The following NKAIN2 variants were observed in gnomAD, a reference collection of about 807,000 sequenced individuals.
NKAIN2 encodes sodium/potassium-transporting ATPase subunit beta-1-interacting protein 2.
A neutral mutation model predicts 32.6 loss-of-function variants in NKAIN2; 14 were observed. The observed-to-expected ratio is 0.43, with a 90% CI of 0.28 to 0.67. NKAIN2 has a LOEUF of 0.67. NKAIN2 is among the 30% of genes least tolerant of loss of function. The pLI is 0.17. For missense variants in NKAIN2, 198 were observed against 258.3 expected, an observed-to-expected ratio of 0.77 and a Z score of 1.60; for synonymous variants, 80 against 87.2, an observed-to-expected ratio of 0.92 and a Z score of 0.46.
chr6:124,424,083 T>C (rs1208433652), intron 3 of NKAIN2, among the ~76,000 whole-genome samples: 1 of 152,112 alleles, frequency 6.6e-6, no homozygotes, highest in Non-Finnish European at 1.5e-5. Context: ...AAGCTCTGCC[T>C]CCCGGGTTCA....
At chr6:124,217,572 T>C (rs1791547136) in intron 1 of NKAIN2, among the ~76,000 whole-genome samples, 1 of 152,148 alleles carries the variant, frequency 6.6e-6, no homozygotes, top group East Asian at 1.9e-4. Context: ...ATTTTTGTTT[T>C]GTTGATTTGT....
chr6:124,630,880 G>A (rs1477648956), intron 3 of NKAIN2, among the ~76,000 whole-genome samples: 3 of 152,158 alleles, frequency 2.0e-5, no homozygotes, highest in Non-Finnish European at 4.4e-5. Context: ...AGTCAGACAT[G>A]TCAAGTTTGA....
intron 1 of NKAIN2, among the ~76,000 whole-genome samples, chr6:124,068,702 T>C (rs1783302603): frequency 6.6e-6 from 1 of 151,974 alleles, no homozygotes; most frequent in Admixed American, 6.6e-5. Flanking sequence ...AAGAAAAATG[T>C]TCTACTGCCC....
chr6:123,816,312 T>G (rs957868133), intron 1 of NKAIN2, among the ~76,000 whole-genome samples: 1 of 152,120 alleles, frequency 6.6e-6, no homozygotes, highest in African/African-American at 2.4e-5. Context: ...TATAGGTCTA[T>G]AGGTCTCTGT....
In NKAIN2 at chr6:124,073,757, A is replaced by G. The variant is rs186843871; in HGVS notation, c.55-209248A>G. 1.0e-3 allele frequency among the ~76,000 whole-genome samples: 157 copies of G among 152,264 alleles called. 1 individual carries two copies. Among genetic ancestry groups the G allele is most frequent in the African/African-American group, 3.5e-3 (146 of 41,576 alleles). ...GGAGCCCTGACACTCTGTGAAGCAT[A>G]TAACATACGATTAAATAACCCTCTA... On this transcript the variant is annotated intron_variant, in intron 1 of 6. Transcript: ENST00000368417.
intron 4 of NKAIN2, among the ~76,000 whole-genome samples, chr6:124,696,997 T>G (rs1412466555): frequency 6.6e-6 from 1 of 152,152 alleles, no homozygotes; most frequent in African/African-American, 2.4e-5. Flanking sequence ...ATTGACTCCC[T>G]GCATGACCTT....
chr6:124,383,631 A>C (rs1772750399), intron 3 of NKAIN2, among the ~76,000 whole-genome samples: 1 of 152,116 alleles, frequency 6.6e-6, no homozygotes, highest in South Asian at 2.1e-4. Context: ...GATAAACTCC[A>C]TTTACACACA....
chr6:124,328,041 T>C (rs1797493275), intron 2 of NKAIN2, among the ~76,000 whole-genome samples: 1 of 152,156 alleles, frequency 6.6e-6, no homozygotes, highest in African/African-American at 2.4e-5. Flanking sequence ...GGAAACTTTA[T>C]AGTTGTAAGT....
chr6:124,723,340 A>C (rs965388491), intron 4 of NKAIN2, among the ~76,000 whole-genome samples: 9 of 152,238 alleles, frequency 5.9e-5, no homozygotes, highest in Non-Finnish European at 1.3e-4. Context: ...AATTGATGGG[A>C]AACTATAAGC....
intron 1 of NKAIN2, among the ~76,000 whole-genome samples, chr6:124,149,140 T>TA (rs112724717): frequency 0.013 from 1,945 of 148,810 alleles, 40 homozygotes; most frequent in African/African-American, 0.044. Flanking sequence ...TTTTCCCACT[T>TA]AAAAAAAAAA....
At chr6:124,039,263 TTA>T (rs1191978006) in intron 1 of NKAIN2, among the ~76,000 whole-genome samples, 1 of 152,040 alleles carries the variant, frequency 6.6e-6, no homozygotes, top group Non-Finnish European at 1.5e-5. Flanking sequence ...CACAGTTTTA[TTA>T]TATGAGTTAA....
intron 1 of NKAIN2, among the ~76,000 whole-genome samples, chr6:124,204,985 CAAAAA>C (rs5879719): frequency 2.0e-5 from 3 of 148,146 alleles, no homozygotes; most frequent in Middle Eastern, 3.2e-3. Context: ...TAAAAAAAAG[CAAAAA>C]AAAAAGCCTA....
At chr6:123,854,072 C>T (rs1306260619) in intron 1 of NKAIN2, among the ~76,000 whole-genome samples, 5 of 152,034 alleles carry the variant, frequency 3.3e-5, no homozygotes, top group East Asian at 1.9e-4. Flanking sequence ...CACACCCGCC[C>T]GATAAATTTT....
chr6:123,899,207 G>A (rs1177809693), intron 1 of NKAIN2, among the ~76,000 whole-genome samples: 3 of 152,242 alleles, frequency 2.0e-5, no homozygotes, highest in African/African-American at 7.2e-5. Context: ...CTACTGAGTT[G>A]TGAGGGTGAA....
chr6:123,911,759 A>G (rs1775186614), intron 1 of NKAIN2, among the ~76,000 whole-genome samples: 1 of 146,712 alleles, frequency 6.8e-6, no homozygotes, highest in South Asian at 2.1e-4. Context: ...TTAATATAAA[A>G]TAGTCGTATA....
intron 1 of NKAIN2, among the ~76,000 whole-genome samples, chr6:124,188,418 A>C (rs1279374883): frequency 1.3e-5 from 2 of 152,228 alleles, no homozygotes; most frequent in African/African-American, 4.8e-5. Context: ...TGATTAAATT[A>C]AGCTCATCCA....
At chr6:124,704,527 A>C (rs1269361837) in intron 4 of NKAIN2, among the ~76,000 whole-genome samples, 1 of 151,956 alleles carries the variant, frequency 6.6e-6, no homozygotes, top group Non-Finnish European at 1.5e-5. Flanking sequence ...ATGTTGGAGA[A>C]GAGCATATGT....
chr6:124,734,061 G>GCACACACACACACACACACA (rs61526747), intron 4 of NKAIN2, among the ~76,000 whole-genome samples: 18 of 145,228 alleles, frequency 1.2e-4, no homozygotes, highest in Non-Finnish European at 2.0e-4. Flanking sequence ...ATGAGGAAAT[G>GCACACACACACACACACACA]CACACACACA....
At chr6:124,462,483 T>C (rs1776572091) in intron 3 of NKAIN2, among the ~76,000 whole-genome samples, 1 of 151,964 alleles carries the variant, frequency 6.6e-6, no homozygotes, top group Non-Finnish European at 1.5e-5. Context: ...AGATCACAAT[T>C]TTAATTCTTG....
Sources: allele counts gnomAD v4.1 joint callset (sites outside exome capture counted in the v4.1 genomes callset), GRCh38; gene constraint gnomAD v4.1.1; transcripts MANE v1.5; gene names NCBI Gene and HGNC (gene_info 2026-07-23, HGNC 2026-07-21).